Variants in DNAAF9 observed in about 807,000 individuals in gnomAD.
DNAAF9 encodes shulin.
A neutral mutation model predicts 167.0 loss-of-function variants in DNAAF9; 90 were observed. That is an observed-to-expected ratio of 0.54 (90% CI 0.45 to 0.64). The LOEUF is 0.64. DNAAF9 is among the 30% of genes least tolerant of loss of function. The pLI is 0.00. For synonymous variants in DNAAF9, 491 were observed against 508.8 expected (o/e 0.96, Z 0.47); for missense variants, 1,315 against 1,442.2 (o/e 0.91, Z 1.43).
intron 33 of DNAAF9, among the ~76,000 whole-genome samples, chr20:3,257,121 C>T (rs1410019539): frequency 6.6e-6 from 1 of 152,002 alleles, no homozygotes. Context: ...ACTGGAGACC[C>T]AAGAAGTGGG....
intron 1 of DNAAF9, 33 bp downstream of exon 1, chr20:3,407,442 C>G: frequency 1.6e-6 from 2 of 1,283,898 alleles, no homozygotes; most frequent in Non-Finnish European, 9.8e-7. Context: ...ATCCCCCGCC[C>G]GGCCGCCCCT....
rs780730067 is a variant in DNAAF9 at position 3,397,553 on chromosome 20, C to G, written c.83+9922G>C. On this transcript the variant is annotated intron_variant, in intron 1 of 36. Transcript: ENST00000252032. ...CAGGATGGTCTTGATCTCCTGACCT[C>G]GTGATCTGCCCGTCTCAGCCTCCCA... 2.0e-5 allele frequency among the ~76,000 whole-genome samples: 3 copies of G among 152,132 alleles called. No individual in the cohort carries two copies. In the South Asian group the frequency reaches 6.2e-4, roughly 31 times the overall value.
intron 3 of DNAAF9, 94 bp downstream of exon 3, chr20:3,381,285 T>A: frequency 9.3e-7 from 1 of 1,079,246 alleles, no homozygotes; most frequent in South Asian, 2.0e-5. Context: ...TGGACTATTT[T>A]AAATTTTATT....
rs757003738 is a variant in DNAAF9, at chr20:3,340,632, G to C, written c.853C>G (p.Arg285Gly). ...TTACCAAAGAGAACAAATGGCTGCCGGTTAGGGCTAGAGAGGGAAGTCAAA... is the reference window on the plus strand; with the variant it reads ...TTACCAAAGAGAACAAATGGCTGCCCGTTAGGGCTAGAGAGGGAAGTCAAA... ...SSHITENSPN[R>G]QPFVLFGNHS... The change falls in exon 10 of 37, where the codon CGG becomes GGG. Residue 285 changes from arginine to glycine, a missense_variant. Physicochemically the swap from Arg to Gly is moderately radical, Grantham distance 125 (BLOSUM62 -2). Coordinates refer to ENST00000252032, the MANE Select transcript of DNAAF9 (RefSeq NM_001009984.3). 1 of 1,613,964 alleles carries C rather than the reference G, an allele frequency of 6.2e-7. No individual in the cohort carries two copies. The highest frequency in any genetic ancestry group is 8.5e-7 in the Non-Finnish European group (1 of 1,179,928).
intron 6 of DNAAF9, chr20:3,362,292 G>A: frequency 8.9e-7 from 1 of 1,120,564 alleles, no homozygotes; most frequent in South Asian, 1.3e-5. Flanking sequence ...AATTGCAAGG[G>A]ACTTTTACTA....
chr20:3,277,968 T>C (rs1237995741), intron 29 of DNAAF9, among the ~76,000 whole-genome samples: 3 of 152,130 alleles, frequency 2.0e-5, no homozygotes, highest in Non-Finnish European at 2.9e-5. Context: ...GGACACTGAG[T>C]TGTTTTCTTC....
chr20:3,317,938 T>C (rs1453958341), intron 17 of DNAAF9, among the ~76,000 whole-genome samples: 1 of 152,120 alleles, frequency 6.6e-6, no homozygotes, highest in Admixed American at 6.6e-5. Flanking sequence ...ATTACATATC[T>C]TCATTTATAA....
At chr20:3,340,250 A>G (rs546341467) in intron 10 of DNAAF9, among the ~76,000 whole-genome samples, 22 of 152,314 alleles carry the variant, frequency 1.4e-4, no homozygotes, top group Admixed American at 3.3e-4. Context: ...TGGTTTGTGA[A>G]ACTACGTTCT....
chr20:3,396,126 G>A (rs2083903803), intron 1 of DNAAF9, among the ~76,000 whole-genome samples: 1 of 152,208 alleles, frequency 6.6e-6, no homozygotes, highest in South Asian at 2.1e-4. Context: ...CCAGCCACGT[G>A]GAACTGTGAG....
intron 30 of DNAAF9, among the ~76,000 whole-genome samples, chr20:3,269,516 T>C (rs995484814): frequency 1.3e-5 from 2 of 152,198 alleles, no homozygotes; most frequent in African/African-American, 2.4e-5. Context: ...CTACGTTCTC[T>C]ATGCCATTTC....
At chr20:3,316,655 T>C in intron 18 of DNAAF9, 68 bp downstream of exon 18, 1 of 1,127,320 alleles carries the variant, frequency 8.9e-7, no homozygotes, top group Non-Finnish European at 1.3e-6. Flanking sequence ...ACAAAGAGGC[T>C]CTTCCTCAAG....
At chr20:3,381,269 G>C in intron 3 of DNAAF9, 110 bp downstream of exon 3, 1 of 866,940 alleles carries the variant, frequency 1.2e-6, no homozygotes, top group Non-Finnish European at 1.7e-6. Flanking sequence ...ACGTTTACTG[G>C]GGCTTTGGAC....
intron 2 of DNAAF9, among the ~76,000 whole-genome samples, chr20:3,382,181 G>A (rs942299319): frequency 6.6e-6 from 1 of 152,180 alleles, no homozygotes; most frequent in African/African-American, 2.4e-5. Flanking sequence ...TGTCATGGCA[G>A]GAGGCAGCTA....
chr20:3,381,455 A>G lies in DNAAF9; in HGVS notation c.207T>C (p.Asn69=), dbSNP rs774692552. 1.2e-6 allele frequency: 2 copies of G among 1,613,710 alleles called. No homozygotes were observed. The highest frequency in any genetic ancestry group is 1.7e-5 in the Admixed American group (1 of 59,976). Residue 69 remains asparagine (N), a synonymous_variant, in exon 3 of 37, where the codon AAT becomes AAC. Coordinates refer to ENST00000252032, the MANE Select transcript of DNAAF9 (RefSeq NM_001009984.3). The part of the protein sequence containing the change: ...RYNEGCRELA[N]YLLFGLYNQN... ...GATTGTACAAACCAAATAGAAGATAATTTGCCAGCTCTCTGCAGCCTTCAT... is the reference window on the plus strand; with the variant it reads ...GATTGTACAAACCAAATAGAAGATAGTTTGCCAGCTCTCTGCAGCCTTCAT...
chr20:3,317,481 G>A (rs1212891639), intron 17 of DNAAF9, among the ~76,000 whole-genome samples: 1 of 151,394 alleles, frequency 6.6e-6, no homozygotes, highest in Non-Finnish European at 1.5e-5. Context: ...AAAGATCAAA[G>A]AGAATTATCA....
chr20:3,277,531 GCTTT>G (rs2068693879), intron 29 of DNAAF9, among the ~76,000 whole-genome samples: 1 of 151,886 alleles, frequency 6.6e-6, no homozygotes, highest in Non-Finnish European at 1.5e-5. Flanking sequence ...TTTCTCCTGT[GCTTT>G]CTATTTGAAG....
chr20:3,284,742 T>C lies in DNAAF9; in HGVS notation c.2486+2890A>G, dbSNP rs374182884. Among the ~76,000 whole-genome samples, 5 of 152,302 alleles carry C rather than the reference T, an allele frequency of 3.3e-5. No individual in the cohort carries two copies. In the East Asian group the frequency reaches 7.7e-4, roughly 24 times the overall value. Reference sequence around the variant, plus strand: ...TTTTTACATTAATTTCAAATTTTGTTTTTAATGCAGATAATTTTAAAGAAT... The same window carrying C: ...TTTTTACATTAATTTCAAATTTTGTCTTTAATGCAGATAATTTTAAAGAAT... On this transcript the variant is annotated intron_variant, in intron 27 of 36. Coordinates refer to ENST00000252032, the MANE Select transcript of DNAAF9 (RefSeq NM_001009984.3).
Position 3,270,408 on chromosome 20 carries a change from G to C in DNAAF9, c.2786+19C>G, listed in dbSNP as rs1374666318. On this transcript the variant is annotated intron_variant, in intron 30 of 36. Coordinates refer to ENST00000252032, the MANE Select transcript of DNAAF9 (RefSeq NM_001009984.3). ...ATCTGAGAAAGCAACTGGTCTTGCAGAGTGAATCTATAGATTACCTGGTGA... is the reference window on the plus strand; with the variant it reads ...ATCTGAGAAAGCAACTGGTCTTGCACAGTGAATCTATAGATTACCTGGTGA... 15 of 1,610,784 alleles carry C rather than the reference G, an allele frequency of 9.3e-6. No homozygotes were observed. Among genetic ancestry groups the C allele is most frequent in the Non-Finnish European group, 1.2e-5 (14 of 1,177,322 alleles).
chr20:3,325,796 A>AT (rs1186203542), intron 13 of DNAAF9, among the ~76,000 whole-genome samples: 11 of 151,844 alleles, frequency 7.2e-5, no homozygotes, highest in Admixed American at 7.2e-4. Flanking sequence ...ATCTTTAGCT[A>AT]TTTTTTTTAA....
Sources: allele counts gnomAD v4.1 joint callset (sites outside exome capture counted in the v4.1 genomes callset), GRCh38; gene constraint gnomAD v4.1.1; transcripts MANE v1.5; gene names NCBI Gene and HGNC (gene_info 2026-07-23, HGNC 2026-07-21).